CNTN4: variants seen among roughly 807,000 people sequenced by gnomAD.
CNTN4 encodes contactin-4.
In CNTN4, 77 loss-of-function variants were observed where a neutral mutation model predicts 122.5. The ratio of observed to expected loss-of-function variants is 0.63; its 90% CI spans 0.52 to 0.76. The LOEUF is 0.76. CNTN4 is among the 30% of genes least tolerant of loss of function. CNTN4 has a pLI of 0.00. For synonymous variants in CNTN4, 512 were observed against 447.0 expected, an observed-to-expected ratio of 1.15 and a Z score of -1.83; for missense variants, 1,256 against 1,259.1, an observed-to-expected ratio of 1.00 and a Z score of 0.04.
chr3:2,980,805 C>G (rs1693889132), intron 13 of CNTN4, among the ~76,000 whole-genome samples: 1 of 152,078 alleles, frequency 6.6e-6, no homozygotes, highest in Non-Finnish European at 1.5e-5. Context: ...CTTGAGGAGG[C>G]GGTATCTGAT....
intron 2 of CNTN4, among the ~76,000 whole-genome samples, chr3:2,300,451 C>T (rs1302170689): frequency 6.6e-6 from 1 of 151,282 alleles, no homozygotes; most frequent in Non-Finnish European, 1.5e-5. Flanking sequence ...ATTACAGCCA[C>T]AGGTGGATGT....
At chr3:2,179,399 G>GAC (rs1353773136) in intron 2 of CNTN4, among the ~76,000 whole-genome samples, 1 of 151,974 alleles carries the variant, frequency 6.6e-6, no homozygotes, top group African/African-American at 2.4e-5. Flanking sequence ...GGAGAGAAGA[G>GAC]ACTTAGATTT....
At chr3:2,784,326 C>G (rs373056464) in intron 6 of CNTN4, among the ~76,000 whole-genome samples, 2 of 152,162 alleles carry the variant, frequency 1.3e-5, no homozygotes, top group Admixed American at 6.5e-5. Flanking sequence ...TTATGCTAGG[C>G]AAACACAACA....
intron 4 of CNTN4, among the ~76,000 whole-genome samples, chr3:2,722,943 G>A (rs1433221020): frequency 6.6e-6 from 1 of 152,182 alleles, no homozygotes. Flanking sequence ...TTGGTAACAA[G>A]TGTGGCATAT....
intron 4 of CNTN4, among the ~76,000 whole-genome samples, chr3:2,616,273 G>A (rs188017224): frequency 2.8e-4 from 43 of 151,952 alleles, no homozygotes; most frequent in African/African-American, 9.9e-4. Flanking sequence ...GTGTCAGTTT[G>A]CTGAGGATGA....
intron 13 of CNTN4, among the ~76,000 whole-genome samples, chr3:2,964,350 T>C (rs1692081864): frequency 6.6e-6 from 1 of 152,186 alleles, no homozygotes; most frequent in Admixed American, 6.5e-5. Context: ...TAATTATGAA[T>C]ATCCAATGTG....
At chr3:2,792,154 C>T (rs186692024) in intron 6 of CNTN4, among the ~76,000 whole-genome samples, 34 of 152,334 alleles carry the variant, frequency 2.2e-4, no homozygotes, top group African/African-American at 7.7e-4. Context: ...AAGTCACACT[C>T]ATGCATCCCA....
At chr3:2,627,558 A>T (rs989373121) in intron 4 of CNTN4, among the ~76,000 whole-genome samples, 1 of 149,176 alleles carries the variant, frequency 6.7e-6, no homozygotes, top group Non-Finnish European at 1.5e-5. Flanking sequence ...TAGTAGCGCA[A>T]TCTCGGCTCA....
intron 6 of CNTN4, among the ~76,000 whole-genome samples, chr3:2,800,058 T>C (rs1028113808): frequency 6.8e-6 from 1 of 146,276 alleles, no homozygotes; most frequent in Non-Finnish European, 1.5e-5. Flanking sequence ...AATTCGAAGT[T>C]GGGTAATGTG....
intron 3 of CNTN4, among the ~76,000 whole-genome samples, chr3:2,426,986 G>A (rs1016005259): frequency 1.3e-4 from 19 of 151,770 alleles, no homozygotes; most frequent in Admixed American, 5.3e-4. Flanking sequence ...TCTTGCTAGC[G>A]GTCTATCACT....
At chr3:2,154,869 T>G (rs926040942) in intron 2 of CNTN4, among the ~76,000 whole-genome samples, 6 of 152,206 alleles carry the variant, frequency 3.9e-5, no homozygotes, top group African/African-American at 1.4e-4. Context: ...ACGGAGGAAA[T>G]GAAATCACTA....
At chr3:2,685,572 T>C (rs984315069) in intron 4 of CNTN4, among the ~76,000 whole-genome samples, 1 of 152,168 alleles carries the variant, frequency 6.6e-6, no homozygotes, top group African/African-American at 2.4e-5. Context: ...ATGCAAATAG[T>C]GTGAAGATTA....
intron 3 of CNTN4, among the ~76,000 whole-genome samples, chr3:2,461,794 A>G (rs754991833): frequency 1.2e-4 from 19 of 152,324 alleles, no homozygotes; most frequent in Middle Eastern, 3.4e-3. Flanking sequence ...CTTAATAACT[A>G]CTGGTTATTG....
intron 7 of CNTN4, among the ~76,000 whole-genome samples, chr3:2,863,504 A>G (rs993579938): frequency 3.1e-5 from 4 of 128,828 alleles, no homozygotes; most frequent in Non-Finnish European, 6.5e-5. Flanking sequence ...TGTTATTACA[A>G]TTGGGGAAAC....
chr3:2,211,108 G>A (rs1180627495), intron 2 of CNTN4, among the ~76,000 whole-genome samples: 1 of 152,134 alleles, frequency 6.6e-6, no homozygotes, highest in African/African-American at 2.4e-5. Flanking sequence ...TCTGCTCCTG[G>A]AGAGGCCTCA....
intron 2 of CNTN4, among the ~76,000 whole-genome samples, chr3:2,191,453 A>G (rs992754116): frequency 1.3e-5 from 2 of 151,918 alleles, no homozygotes; most frequent in Non-Finnish European, 2.9e-5. Context: ...ATTCTTAGTA[A>G]TTGTCCTCTA....
intron 3 of CNTN4, among the ~76,000 whole-genome samples, chr3:2,439,377 C>G (rs1465295692): frequency 6.6e-6 from 1 of 152,148 alleles, no homozygotes; most frequent in African/African-American, 2.4e-5. Flanking sequence ...TCTGTTGGAT[C>G]TGGCAAACCA....
At chr3:2,596,777 T>A (rs551275338) in intron 4 of CNTN4, among the ~76,000 whole-genome samples, 1 of 152,332 alleles carries the variant, frequency 6.6e-6, no homozygotes, top group South Asian at 2.1e-4. Context: ...ATACTGCAGA[T>A]GTAAATTATA....
intron 13 of CNTN4, among the ~76,000 whole-genome samples, chr3:2,963,752 T>C (rs910297848): frequency 6.6e-6 from 1 of 152,232 alleles, no homozygotes; most frequent in Non-Finnish European, 1.5e-5. Flanking sequence ...CACTAACTTA[T>C]CACATTCATA....
Sources: gnomAD v4.1 joint callset for allele counts (sites outside exome capture counted in the v4.1 genomes callset) on GRCh38, gnomAD v4.1.1 for gene constraint, MANE v1.5 for transcripts, NCBI Gene and HGNC (gene_info 2026-07-23, HGNC 2026-07-21) for gene names.